CDC42BPA: variants seen among roughly 807,000 people sequenced by gnomAD.
The protein encoded by CDC42BPA is CDC42 binding protein kinase alpha, also known as serine/threonine-protein kinase MRCK alpha.
In CDC42BPA, 80 loss-of-function variants were observed where a neutral mutation model predicts 223.5. The ratio of observed to expected loss-of-function variants is 0.36; its 90% CI spans 0.30 to 0.43. The LOEUF is 0.43. Ranked by LOEUF, CDC42BPA falls within the 20% of genes least tolerant of loss-of-function variation. The pLI, the probability that CDC42BPA is intolerant of heterozygous loss-of-function variation, is 1.00. For synonymous variants in CDC42BPA, 694 were observed against 718.6 expected (o/e 0.97, Z 0.55); for missense variants, 1,743 against 2,099.9 (o/e 0.83, Z 3.32).
At chr1:227,010,835 T>C (rs139620730) in intron 34 of CDC42BPA, 15 of 1,213,094 alleles carry the variant, frequency 1.2e-5, no homozygotes, top group Non-Finnish European at 1.5e-5. Context: ...AGGAAATCCA[T>C]ACATGGTTAG....
chr1:227,094,923 C>T (rs1683722426), intron 15 of CDC42BPA, among the ~76,000 whole-genome samples: 1 of 152,158 alleles, frequency 6.6e-6, no homozygotes, highest in Admixed American at 6.5e-5. Context: ...CAAAGCACTC[C>T]TTTCACCAAG....
At chr1:227,252,114 A>G (rs1367665587) in intron 2 of CDC42BPA, among the ~76,000 whole-genome samples, 1 of 152,114 alleles carries the variant, frequency 6.6e-6, no homozygotes, top group Non-Finnish European at 1.5e-5. Flanking sequence ...CTATTTTGAA[A>G]AATCAGAAAA....
intron 10 of CDC42BPA, among the ~76,000 whole-genome samples, chr1:227,137,195 T>C (rs1237972940): frequency 6.6e-6 from 1 of 152,114 alleles, no homozygotes; most frequent in South Asian, 2.1e-4. Flanking sequence ...AATAGAAAAA[T>C]GGGCAAGAAC....
In CDC42BPA at chr1:227,150,557, C is replaced by T. The variant is rs796201112; in HGVS notation, c.694-2998G>A. Among the ~76,000 whole-genome samples, 36 of 152,108 alleles carry T rather than the reference C, an allele frequency of 2.4e-4. 1 individual carries two copies. Among genetic ancestry groups the T allele is most frequent in the African/African-American group, 7.7e-4 (32 of 41,518 alleles). On this transcript the variant is annotated intron_variant, in intron 6 of 36. Coordinates refer to ENST00000366766, the MANE Select transcript of CDC42BPA (RefSeq NM_001394014.1). ...GTAAACTATCGCTAACATTTCCTTT[C>T]GGCTAAACAAGCACTAAAGGGTATA... is the stretch of plus-strand genomic sequence containing the variant.
intron 21 of CDC42BPA, among the ~76,000 whole-genome samples, chr1:227,064,622 T>C (rs1558412248): frequency 2.0e-5 from 3 of 152,096 alleles, no homozygotes; most frequent in Admixed American, 1.3e-4. Context: ...GGGGCTAACA[T>C]GGACTAGACA....
rs780572962 is a variant in CDC42BPA, at chr1:227,317,009, T to C, written c.174A>G (p.Glu58=). 2 of 1,611,680 alleles carry C rather than the reference T, an allele frequency of 1.2e-6. No homozygotes were observed. The highest frequency in any genetic ancestry group is 1.7e-6 in the Non-Finnish European group (2 of 1,177,902). ...CTTTAAAAATTACAAACTTACCCCA[T>C]TCTAGGTATTCGAGAATGTTCTTCT... ...RREKNILEYL[E]WAKPFTSKVK... Residue 58 remains glutamate, a synonymous_variant, in exon 1 of 37, where the codon GAA becomes GAG. Transcript: ENST00000366766.
chr1:227,296,223 T>C (rs1411015811), intron 1 of CDC42BPA, among the ~76,000 whole-genome samples: 2 of 152,194 alleles, frequency 1.3e-5, no homozygotes, highest in East Asian at 1.9e-4. Context: ...CTAAGGCCAG[T>C]TGATCTTCCA....
intron 26 of CDC42BPA, 74 bp from the exon 27 acceptor site, chr1:227,033,489 A>T: frequency 1.1e-6 from 1 of 913,454 alleles, no homozygotes; most frequent in South Asian, 1.4e-5. Flanking sequence ...GTATCCAAAT[A>T]ACACATACCC....
At chr1:227,024,998 C>T (rs61515455) in intron 31 of CDC42BPA, among the ~76,000 whole-genome samples, 34,053 of 152,046 alleles carry the variant, frequency 0.22, 4,161 homozygotes, top group African/African-American at 0.29. Context: ...ATTCCAGCAC[C>T]GTGGGAGGCC....
chr1:227,105,374 T>A (rs1685734022), intron 14 of CDC42BPA, among the ~76,000 whole-genome samples: 1 of 147,170 alleles, frequency 6.8e-6, no homozygotes, highest in Non-Finnish European at 1.5e-5. Flanking sequence ...TTTTTTTTTT[T>A]TTTTTGAGAC....
chr1:227,230,816 C>CT (rs34787332), intron 2 of CDC42BPA, among the ~76,000 whole-genome samples: 5,900 of 51,930 alleles, frequency 0.11, 628 homozygotes, highest in East Asian at 0.38. Context: ...TTTTTTCTTT[C>CT]TTTCTTTTTT....
At chr1:227,078,406 T>C (rs1431073139) in intron 17 of CDC42BPA, among the ~76,000 whole-genome samples, 2 of 152,160 alleles carry the variant, frequency 1.3e-5, no homozygotes, top group Non-Finnish European at 2.9e-5. Flanking sequence ...AAGTACTACA[T>C]TTATAGATCT....
At chr1:227,092,967 T>C (rs1001342191) in intron 15 of CDC42BPA, among the ~76,000 whole-genome samples, 2 of 152,160 alleles carry the variant, frequency 1.3e-5, no homozygotes, top group Non-Finnish European at 2.9e-5. Context: ...ATCCTCTCAA[T>C]TTAAAAAAAT....
At chr1:227,074,088 TTA>T in intron 18 of CDC42BPA, 76 bp from the exon 19 acceptor site, 1 of 1,521,634 alleles carries the variant, frequency 6.6e-7, no homozygotes, top group Non-Finnish European at 8.9e-7. Flanking sequence ...CAGCTGTGTG[TTA>T]TGTTTTTCTA....
In CDC42BPA at chr1:227,317,943, G is replaced by A. The variant is rs916437185; in HGVS notation, c.-761C>T. ...CATTTTCCTCCCGGCTTCACCCTAGGGCCTGACCGGCGGCGCGGCCGGGGG... is the reference window on the plus strand; with the variant it reads ...CATTTTCCTCCCGGCTTCACCCTAGAGCCTGACCGGCGGCGCGGCCGGGGG... On this transcript the variant is annotated 5_prime_UTR_variant, in exon 1 of 37. Coordinates refer to ENST00000366766, the MANE Select transcript of CDC42BPA (RefSeq NM_001394014.1). The A allele has an allele frequency of 2.0e-5, 8 of 397,906 alleles. No individual in the cohort carries two copies. The highest frequency in any genetic ancestry group is 1.6e-4 in the African/African-American group (8 of 48,588). 24.6% of individuals were successfully genotyped at this position (397,906 alleles called of 1,614,324 possible).
rs1179972190 is a variant in CDC42BPA at position 227,232,802 on chromosome 1, ATGAGG to A, written c.271-19588_271-19584del. On this transcript the variant is annotated intron_variant, in intron 2 of 36. Coordinates refer to ENST00000366766, the MANE Select transcript of CDC42BPA (RefSeq NM_001394014.1). ...TCGTCTCAGAGGGAAACCCGGCTGT[ATGAGG>A]TGTCAGTCGGCCCCTACTGGGAGGT... Among the ~76,000 whole-genome samples the A allele has an allele frequency of 2.0e-5, 3 of 152,308 alleles. No homozygotes were observed. The East Asian group carries it at 5.8e-4, about 29-fold the overall frequency.
At chr1:227,160,231 CCCGGTGAACTTTGAAATATCTAAAGTA>C (rs1663622828) in intron 6 of CDC42BPA, among the ~76,000 whole-genome samples, 1 of 152,118 alleles carries the variant, frequency 6.6e-6, no homozygotes, top group African/African-American at 2.4e-5. Flanking sequence ...TTCTTTTACC[CCCGGTGAACTTTGAAATATCTAAAGTA>C]CAACAGAAGT....
At chr1:227,236,580 G>C (rs1172230000) in intron 2 of CDC42BPA, among the ~76,000 whole-genome samples, 1 of 151,850 alleles carries the variant, frequency 6.6e-6, no homozygotes, top group Non-Finnish European at 1.5e-5. Flanking sequence ...ATTTATAATT[G>C]ATCATAACAT....
At chr1:227,250,016 G>C (rs1338674966) in intron 2 of CDC42BPA, among the ~76,000 whole-genome samples, 1 of 152,112 alleles carries the variant, frequency 6.6e-6, no homozygotes, top group Non-Finnish European at 1.5e-5. Flanking sequence ...AAATAACTAA[G>C]AGTACAACTG....
Sources: allele counts gnomAD v4.1 joint callset (sites outside exome capture counted in the v4.1 genomes callset), GRCh38; gene constraint gnomAD v4.1.1; transcripts MANE v1.5; gene names NCBI Gene and HGNC (gene_info 2026-07-23, HGNC 2026-07-21).